The following RAD21L1 variants were observed in gnomAD, a reference collection of about 807,000 sequenced individuals.
The protein encoded by RAD21L1 is RAD21 cohesin complex component like 1, also known as double-strand-break repair protein rad21-like protein 1.
Under a neutral mutation model 69.0 loss-of-function variants are expected in RAD21L1, and 47 were observed. The observed-to-expected ratio is 0.68, with a 90% CI of 0.54 to 0.87. The LOEUF (loss-of-function observed/expected upper bound fraction) is 0.87. Among genes scored for constraint, RAD21L1 ranks in the 40% least tolerant of loss-of-function variants. The pLI is 0.00. For missense variants in RAD21L1, 583 were observed against 647.6 expected, an observed-to-expected ratio of 0.90 and a Z score of 1.08; for synonymous variants, 177 against 205.8, an observed-to-expected ratio of 0.86 and a Z score of 1.20.
chr20:1,229,768 C>T, intron 2 of RAD21L1, 112 bp from the exon 3 acceptor site: 1 of 784,986 alleles, frequency 1.3e-6, no homozygotes, highest in Non-Finnish European at 1.9e-6. Context: ...ACTAAGAATA[C>T]AAAATATCTG....
Position 1,243,112 on chromosome 20 carries a change from T to C in RAD21L1, c.1099T>C (p.Phe367Leu). The C allele has an allele frequency of 6.5e-7, 1 of 1,528,884 alleles. No individual in the cohort carries two copies. The highest frequency in any genetic ancestry group is 1.3e-5 in the South Asian group (1 of 78,918). 94.7% of individuals were successfully genotyped at this position (1,528,884 alleles called of 1,614,324 possible). The change falls in exon 10 of 14, where the codon TTT becomes CTT. Residue 367 changes from phenylalanine (F) to leucine (L), a missense_variant. Phe to Leu is a conservative substitution (Grantham distance 22). Coordinates refer to ENST00000683101, the MANE Select transcript of RAD21L1 (RefSeq NM_001384355.1). The part of the protein sequence containing the change: ...AELKMLFTKC[F>L]LSSGFKLGRK... ...ATTTTTACAGTTGTTTACAAAATGCTTTCTGTCCTCTGGCTTTAAACTTGG... is the reference window on the plus strand; with the variant it reads ...ATTTTTACAGTTGTTTACAAAATGCCTTCTGTCCTCTGGCTTTAAACTTGG...
intron 13 of RAD21L1, among the ~76,000 whole-genome samples, chr20:1,249,829 G>T (rs1417587057): frequency 5.3e-5 from 8 of 151,994 alleles, no homozygotes; most frequent in Admixed American, 5.2e-4. Flanking sequence ...CAACTTTATG[G>T]TTGTTTTGTC....
chr20:1,249,869 A>G (rs1472967349), intron 13 of RAD21L1, among the ~76,000 whole-genome samples: 1 of 151,378 alleles, frequency 6.6e-6, no homozygotes, highest in Admixed American at 6.6e-5. Flanking sequence ...TTTTTTTATT[A>G]TTATACTTTA....
intron 13 of RAD21L1, among the ~76,000 whole-genome samples, chr20:1,253,193 T>C (rs651329): frequency 0.012 from 1,842 of 152,350 alleles, 36 homozygotes; most frequent in African/African-American, 0.043. Context: ...TTGACTGTTA[T>C]GGACAAGCAA....
intron 13 of RAD21L1, among the ~76,000 whole-genome samples, chr20:1,253,084 T>C (rs1455753150): frequency 6.6e-6 from 1 of 152,228 alleles, no homozygotes; most frequent in Non-Finnish European, 1.5e-5. Context: ...AGGCAGGGAA[T>C]AAATGTAGGC....
At position 1,246,333 on chromosome 20, in the gene RAD21L1, T is replaced by A; in HGVS notation, c.1401+28T>A. ...AAATATATGTGTAGTCTTGGGGATG[T>A]TCTTAAAAACTTTATTCCTAAATAT... On this transcript the variant is annotated intron_variant, in intron 12 of 13. Transcript: ENST00000683101. The surrounding 1 kb of genome is among the most constrained non-coding windows in gnomAD (Gnocchi z 4.6). 1.6e-6 allele frequency: 2 copies of A among 1,225,028 alleles called. No homozygotes were observed. Among genetic ancestry groups the A allele is most frequent in the Non-Finnish European group, 2.2e-6 (2 of 897,782 alleles). The allele number at this position is 1,225,028 out of a possible 1,614,324, so 75.9% of individuals were successfully genotyped here.
chr20:1,226,781 A>G (rs1025584501), intron 1 of RAD21L1, among the ~76,000 whole-genome samples: 3 of 152,162 alleles, frequency 2.0e-5, no homozygotes, highest in Non-Finnish European at 4.4e-5. Flanking sequence ...TTGTGTGCGT[A>G]TTTTGTGGGG....
intron 3 of RAD21L1, chr20:1,230,678 C>G (rs1004387960): frequency 1.9e-5 from 8 of 415,688 alleles, no homozygotes; most frequent in Non-Finnish European, 2.3e-5. Flanking sequence ...CATACCATTT[C>G]CTCAATCAAC....
At position 1,246,525 on chromosome 20, in the gene RAD21L1, A is replaced by G. The variant is rs2122137006; in HGVS notation, c.1401+220A>G. On this transcript the variant is annotated intron_variant, in intron 12 of 13. Coordinates refer to ENST00000683101, the MANE Select transcript of RAD21L1 (RefSeq NM_001384355.1). This position sits in a 1 kb window ranked among gnomAD's most constrained non-coding sequence, Gnocchi z 4.6. Reference sequence around the variant, plus strand: ...TCTTTAATTTCTTTTGAAACTTCAAATACTTTTAAGGGAAAGTGTGAGGTT... The same window carrying G: ...TCTTTAATTTCTTTTGAAACTTCAAGTACTTTTAAGGGAAAGTGTGAGGTT... Among the ~76,000 whole-genome samples the G allele has an allele frequency of 6.6e-6, 1 of 152,308 alleles. No individual in the cohort carries two copies. The highest frequency in any genetic ancestry group is 2.1e-4 in the South Asian group (1 of 4,830).
intron 7 of RAD21L1, 56 bp downstream of exon 7, chr20:1,239,463 A>G (rs2087563672): frequency 1.1e-6 from 1 of 913,166 alleles, no homozygotes; most frequent in Non-Finnish European, 1.7e-6. Context: ...TTTAAGCCTC[A>G]GAACTTCTGA....
chr20:1,238,263 A>G (rs1208800958), intron 6 of RAD21L1, 49 bp downstream of exon 6: 1 of 1,232,738 alleles, frequency 8.1e-7, no homozygotes, highest in Non-Finnish European at 1.1e-6. Context: ...TCATCAAATT[A>G]CTACAATATA....
In RAD21L1 at chr20:1,229,880, G is replaced by A; in HGVS notation, c.145G>A (p.Val49Met). ...ITIEKILSPK[V>M]KIALRTSGHL... ...CTAATACTTCAAAAATTATTGAAAGGTGAAAATAGCACTTCGAACTTCAGG... is the reference window on the plus strand; with the variant it reads ...CTAATACTTCAAAAATTATTGAAAGATGAAAATAGCACTTCGAACTTCAGG... Residue 49 changes from valine to methionine, a missense_variant and splice_region_variant, in exon 3 of 14, where the codon GTG (valine) becomes ATG (methionine). Physicochemically the swap from Val to Met is conservative, Grantham distance 21. Coordinates refer to ENST00000683101, the MANE Select transcript of RAD21L1 (RefSeq NM_001384355.1). The A allele has an allele frequency of 1.3e-6, 2 of 1,546,068 alleles. No homozygotes were observed. Among genetic ancestry groups the A allele is most frequent in the Middle Eastern group, 1.7e-4 (1 of 5,956 alleles).
Position 1,234,148 on chromosome 20 carries a change from A to G in RAD21L1, c.432A>G (p.Arg144=), listed in dbSNP as rs532371215. The G allele has an allele frequency of 3.2e-6, 5 of 1,545,918 alleles. No individual in the cohort carries two copies. In the East Asian group the frequency reaches 1.2e-4, roughly 38 times the overall value. The part of the protein sequence containing the change: ...NQSRPEEITL[R]ENFDNDLIFQ... ...GCAGACCAGAAGAAATCACTCTTAG[A>G]GAAAATTTTGACAATGATCTAATTT... Residue 144 remains arginine, a synonymous_variant, in exon 5 of 14, where the codon AGA becomes AGG. Coordinates refer to ENST00000683101, the MANE Select transcript of RAD21L1 (RefSeq NM_001384355.1).
rs775781656 is a variant in RAD21L1, at chr20:1,231,769, G to A, written c.368+150G>A. The A allele has an allele frequency of 2.6e-4, 150 of 571,378 alleles. 1 individual carries two copies. The highest frequency in any genetic ancestry group is 4.3e-4 in the Non-Finnish European group (138 of 322,710). The allele number at this position is 571,378 out of a possible 1,614,324, so 35.4% of individuals were successfully genotyped here. A position where few individuals can be genotyped will look rare whatever the true frequency, so the allele number is the denominator to read the frequency against. Reference sequence around the variant, plus strand: ...CTTATATTTGGTATAAACTCCCAAAGTACAACAACAAAAGTGTGTCATTTT... The same window carrying A: ...CTTATATTTGGTATAAACTCCCAAAATACAACAACAAAAGTGTGTCATTTT... On this transcript the variant is annotated intron_variant, in intron 4 of 13. Coordinates refer to ENST00000683101, the MANE Select transcript of RAD21L1 (RefSeq NM_001384355.1).
At chr20:1,240,020 AG>A (rs1287136155) in intron 7 of RAD21L1, among the ~76,000 whole-genome samples, 1 of 152,202 alleles carries the variant, frequency 6.6e-6, no homozygotes, top group East Asian at 1.9e-4. Context: ...AATTGTTATC[AG>A]TCATTTACTG....
chr20:1,234,067 C>T lies in RAD21L1; in HGVS notation c.369-18C>T. 8.3e-7 allele frequency: 1 copy of T among 1,205,534 alleles called. No individual in the cohort carries two copies. The highest frequency in any genetic ancestry group is 1.2e-6 in the Non-Finnish European group (1 of 846,018). The allele number at this position is 1,205,534 out of a possible 1,614,324, so 74.7% of individuals were successfully genotyped here. A position where few individuals can be genotyped will look rare whatever the true frequency, so the allele number is the denominator to read the frequency against. ...TTTTCTGTTCTCATGTTTTTCTCAA[C>T]CTTCTATTTCTCCATAGTGCTATTG... is the stretch of plus-strand genomic sequence containing the variant. On this transcript the variant is annotated intron_variant, in intron 4 of 13. Transcript: ENST00000683101.
At position 1,229,994 on chromosome 20, in the gene RAD21L1, A is replaced by T; in HGVS notation, c.259A>T (p.Met87Leu). ...DCSEAFLKMK[M>L]TFCPGLVDLP... is the part of the protein sequence containing the mutation. ...CAGTGAAGCATTTCTTAAAATGAAG[A>T]TGACATTTTGCCCAGGTATACATGT... Residue 87 changes from methionine to leucine, a missense_variant, in exon 3 of 14, where the codon ATG becomes TTG. Physicochemically the swap from Met to Leu is conservative, Grantham distance 15 (BLOSUM62 2). Coordinates refer to ENST00000683101, the MANE Select transcript of RAD21L1 (RefSeq NM_001384355.1). 6.5e-7 allele frequency: 1 copy of T among 1,549,848 alleles called. No homozygotes were observed. Among genetic ancestry groups the T allele is most frequent in the South Asian group, 1.2e-5 (1 of 83,894 alleles).
chr20:1,248,737 T>C, intron 13 of RAD21L1, 34 bp downstream of exon 13: 1 of 1,208,476 alleles, frequency 8.3e-7, no homozygotes, highest in Non-Finnish European at 1.2e-6. Flanking sequence ...CCTGTTTTTA[T>C]TTTAAAAAAT....
intron 13 of RAD21L1, among the ~76,000 whole-genome samples, chr20:1,252,975 G>A (rs2087865065): frequency 6.6e-6 from 1 of 152,002 alleles, no homozygotes; most frequent in Non-Finnish European, 1.5e-5. Context: ...TTGCATATTT[G>A]TCCCTTTAGG....
Sources: allele counts gnomAD v4.1 joint callset (sites outside exome capture counted in the v4.1 genomes callset), GRCh38; gene constraint gnomAD v4.1.1; non-coding constraint Gnocchi (gnomAD v3.1); transcripts MANE v1.5; gene names NCBI Gene and HGNC (gene_info 2026-07-23, HGNC 2026-07-21).